Variants in PCSK5 observed in about 807,000 individuals in gnomAD.
PCSK5 encodes the protein proprotein convertase subtilisin/kexin type 5.
A neutral mutation model predicts 233.2 loss-of-function variants in PCSK5; 129 were observed. The ratio of observed to expected loss-of-function variants is 0.55; its 90% CI spans 0.48 to 0.64. The LOEUF is 0.64. Ranked by LOEUF, PCSK5 falls within the 30% of genes least tolerant of loss-of-function variation. The pLI, the probability that PCSK5 is intolerant of heterozygous loss-of-function variation, is 0.00. For missense variants in PCSK5, 2,076 were observed against 2,430.1 expected, an observed-to-expected ratio of 0.85 and a Z score of 3.06; for synonymous variants, 825 against 879.2, an observed-to-expected ratio of 0.94 and a Z score of 1.09.
At chr9:76,317,885 G>A (rs1829076672) in intron 30 of PCSK5, among the ~76,000 whole-genome samples, 1 of 152,152 alleles carries the variant, frequency 6.6e-6, no homozygotes, top group South Asian at 2.1e-4. Context: ...AGTCAAGCCT[G>A]CCAAGCCCAG....
At chr9:76,338,594 CT>C (rs1425367366) in intron 35 of PCSK5, 147 bp downstream of exon 35, 3 of 622,986 alleles carry the variant, frequency 4.8e-6, no homozygotes, top group Non-Finnish European at 5.7e-6. Context: ...TCAGCGCCCT[CT>C]GTTCGCTCTT....
chr9:75,999,683 T>C (rs779494183), intron 3 of PCSK5, among the ~76,000 whole-genome samples: 2 of 152,232 alleles, frequency 1.3e-5, no homozygotes, highest in Non-Finnish European at 2.9e-5. Context: ...ACCTTCCAGC[T>C]TGGGCGTTAG....
intron 1 of PCSK5, among the ~76,000 whole-genome samples, chr9:75,913,098 G>A (rs970701974): frequency 6.6e-6 from 1 of 152,168 alleles, no homozygotes; most frequent in African/African-American, 2.4e-5. Flanking sequence ...CAGTTGATTG[G>A]GTTTGGGTGG....
chr9:76,324,951 C>T (rs562635723), intron 32 of PCSK5, among the ~76,000 whole-genome samples: 6 of 152,088 alleles, frequency 3.9e-5, no homozygotes, highest in Non-Finnish European at 7.4e-5. Flanking sequence ...GACACCCACA[C>T]CCTAGGACAT....
chr9:76,183,621 G>C (rs1407102552), intron 16 of PCSK5, among the ~76,000 whole-genome samples: 5 of 152,234 alleles, frequency 3.3e-5, no homozygotes, highest in African/African-American at 1.2e-4. Flanking sequence ...TGCATGTGCA[G>C]TGTTCTCAAT....
At chr9:75,952,439 A>G (rs1193238270) in intron 2 of PCSK5, among the ~76,000 whole-genome samples, 1 of 152,170 alleles carries the variant, frequency 6.6e-6, no homozygotes, top group African/African-American at 2.4e-5. Flanking sequence ...TTTGAATGGC[A>G]TACTTTTTGA....
intron 2 of PCSK5, among the ~76,000 whole-genome samples, chr9:75,963,201 C>G (rs1358570660): frequency 1.3e-5 from 2 of 152,024 alleles, no homozygotes; most frequent in African/African-American, 4.8e-5. Flanking sequence ...GATACTTTAT[C>G]CAACAAGAGA....
chr9:75,897,691 A>G (rs1825870797), intron 1 of PCSK5, among the ~76,000 whole-genome samples: 1 of 151,888 alleles, frequency 6.6e-6, no homozygotes, highest in Non-Finnish European at 1.5e-5. Flanking sequence ...ACGGGGTTTC[A>G]CCATGTTACC....
intron 24 of PCSK5, among the ~76,000 whole-genome samples, chr9:76,245,269 G>A (rs12005218): frequency 0.022 from 3,316 of 152,264 alleles, 100 homozygotes; most frequent in South Asian, 0.12. Flanking sequence ...TCATGAAAAT[G>A]TATCGGTATT....
intron 3 of PCSK5, among the ~76,000 whole-genome samples, chr9:76,019,004 T>C (rs1345411856): frequency 6.6e-6 from 1 of 152,198 alleles, no homozygotes; most frequent in Non-Finnish European, 1.5e-5. Flanking sequence ...AGTTACATAG[T>C]CCTATGCTGT....
At chr9:76,177,135 C>A (rs1398570690) in intron 14 of PCSK5, among the ~76,000 whole-genome samples, 2 of 151,896 alleles carry the variant, frequency 1.3e-5, no homozygotes. Context: ...ACTAAAAATA[C>A]AAAAAGAAAT....
At position 76,295,289 on chromosome 9, in the gene PCSK5, G is replaced by A. The variant is rs979194742; in HGVS notation, c.3200G>A (p.Cys1067Tyr). 3.1e-6 allele frequency: 5 copies of A among 1,610,872 alleles called. No individual in the cohort carries two copies. The African/African-American group carries it at 5.3e-5, about 17-fold the overall frequency. ...AMGYYRFDHH[C>Y]YKTCPEKTYS... ...TCTTCCTCTAGGTTTGATCACCATT[G>A]TTATAAAACCTGTCCTGAGAAGACC... is the stretch of plus-strand genomic sequence containing the variant. The change falls in exon 26 of 38, where the codon TGT (cysteine) becomes TAT (tyrosine). Residue 1067 changes from cysteine to tyrosine, a missense_variant. Physicochemically the swap from Cys to Tyr is radical, Grantham distance 194 (BLOSUM62 -2). Coordinates refer to ENST00000674117, the MANE Select transcript of PCSK5 (RefSeq NM_001372043.1).
At chr9:76,102,556 C>T (rs1831807302) in intron 8 of PCSK5, among the ~76,000 whole-genome samples, 1 of 152,142 alleles carries the variant, frequency 6.6e-6, no homozygotes, top group Non-Finnish European at 1.5e-5. Context: ...TTCAAGTTTT[C>T]AGATTAGAGA....
chr9:76,086,778 G>T (rs1276134190), intron 7 of PCSK5, among the ~76,000 whole-genome samples: 2 of 152,128 alleles, frequency 1.3e-5, no homozygotes, highest in Non-Finnish European at 2.9e-5. Flanking sequence ...CCTCTAACTG[G>T]CTCTGGTAAC....
At chr9:76,281,480 G>A (rs865974984) in intron 24 of PCSK5, among the ~76,000 whole-genome samples, 3 of 150,890 alleles carry the variant, frequency 2.0e-5, no homozygotes, top group South Asian at 4.2e-4. Context: ...TTAAGCCCAC[G>A]GTGGAGACCT....
chr9:76,170,766 T>C (rs576934669), intron 13 of PCSK5, among the ~76,000 whole-genome samples: 13 of 152,320 alleles, frequency 8.5e-5, no homozygotes, highest in African/African-American at 3.1e-4. Context: ...TGTGGGAGTG[T>C]GTAGCATTCA....
chr9:76,235,437 A>G (rs1297128125), intron 22 of PCSK5, among the ~76,000 whole-genome samples: 2 of 152,200 alleles, frequency 1.3e-5, no homozygotes, highest in African/African-American at 4.8e-5. Flanking sequence ...GCATCCTACA[A>G]CTACTTGGAC....
At chr9:76,302,631 G>A (rs1828647519) in intron 28 of PCSK5, among the ~76,000 whole-genome samples, 1 of 152,172 alleles carries the variant, frequency 6.6e-6, no homozygotes, top group African/African-American at 2.4e-5. Context: ...GAGAAATAAA[G>A]TCGATGTATT....
At chr9:76,104,529 T>C (rs1831899269) in intron 8 of PCSK5, among the ~76,000 whole-genome samples, 1 of 152,248 alleles carries the variant, frequency 6.6e-6, no homozygotes, top group Non-Finnish European at 1.5e-5. Context: ...TAAGTAGCTT[T>C]ATATTAAAGC....
Sources: allele counts gnomAD v4.1 joint callset (sites outside exome capture counted in the v4.1 genomes callset), GRCh38; gene constraint gnomAD v4.1.1; transcripts MANE v1.5; gene names NCBI Gene and HGNC (gene_info 2026-07-23, HGNC 2026-07-21).